PTPRZ1: variants seen among roughly 807,000 people sequenced by gnomAD.
The protein encoded by PTPRZ1 is protein tyrosine phosphatase receptor type Z1, also known as receptor-type tyrosine-protein phosphatase zeta.
In PTPRZ1, 82 loss-of-function variants were observed where a neutral mutation model predicts 214.1. That is an observed-to-expected ratio of 0.38 (90% CI 0.32 to 0.46). The LOEUF (loss-of-function observed/expected upper bound fraction) is 0.46, where lower values mean the gene tolerates loss of function less well. PTPRZ1 is among the 20% of genes least tolerant of loss of function. PTPRZ1 has a pLI of 1.00. For synonymous variants in PTPRZ1, 945 were observed against 987.9 expected, an observed-to-expected ratio of 0.96 and a Z score of 0.81; for missense variants, 2,603 against 2,748.7, an observed-to-expected ratio of 0.95 and a Z score of 1.19.
intron 1 of PTPRZ1, among the ~76,000 whole-genome samples, chr7:121,885,180 A>C (rs568994426): frequency 6.6e-6 from 1 of 152,200 alleles, no homozygotes; most frequent in Admixed American, 6.5e-5. Context: ...ATGTTAAAAC[A>C]CTCTTCTTAT....
chr7:121,949,582 A>C (rs998343765), intron 2 of PTPRZ1, among the ~76,000 whole-genome samples: 1 of 152,176 alleles, frequency 6.6e-6, no homozygotes, highest in African/African-American at 2.4e-5. Context: ...GATTGGTAGA[A>C]TCTTGACATA....
chr7:122,043,106 C>A (rs1799781594), intron 22 of PTPRZ1, among the ~76,000 whole-genome samples: 2 of 152,222 alleles, frequency 1.3e-5, no homozygotes, highest in Non-Finnish European at 2.9e-5. Flanking sequence ...CTCATCTTAA[C>A]TGATTACATC....
chr7:121,882,004 AT>A (rs1221645114), intron 1 of PTPRZ1, among the ~76,000 whole-genome samples: 2 of 152,142 alleles, frequency 1.3e-5, no homozygotes, highest in East Asian at 3.8e-4. Context: ...CATTTTAGCA[AT>A]TTGTGTGTTT....
intron 2 of PTPRZ1, among the ~76,000 whole-genome samples, chr7:121,963,068 C>T (rs1442239953): frequency 6.6e-6 from 1 of 151,706 alleles, no homozygotes; most frequent in Non-Finnish European, 1.5e-5. Flanking sequence ...TTTTATTTTG[C>T]TTTTTAATCA....
In PTPRZ1 at chr7:122,011,519, G is replaced by C. The variant is rs373401845; in HGVS notation, c.2473G>C (p.Ala825Pro). Residue 825 changes from alanine to proline, a missense_variant, in exon 12 of 30, where the codon GCT (alanine) becomes CCT (proline). Ala to Pro is a conservative substitution (Grantham distance 27, BLOSUM62 -1). Coordinates refer to ENST00000393386, the MANE Select transcript of PTPRZ1 (RefSeq NM_002851.3). The stretch of plus-strand genomic sequence containing the variant: ...TGCACCTTTGCTTCCATTTTCCTCT[G>C]CTTCCTTCAGTAGTGAATTGTTTCG... ...DGAPLLPFSSASFSSELFRHL... is the reference protein window; with the variant it reads ...DGAPLLPFSSPSFSSELFRHL... 8 of 1,613,804 alleles carry C rather than the reference G, an allele frequency of 5.0e-6. No homozygotes were observed. In the African/African-American group the frequency reaches 1.1e-4, roughly 22 times the overall value.
chr7:122,052,442 G>C (rs866117050), intron 25 of PTPRZ1, among the ~76,000 whole-genome samples: 1 of 152,158 alleles, frequency 6.6e-6, no homozygotes, highest in South Asian at 2.1e-4. Context: ...TTTAGTAGCT[G>C]TTGTGTGACC....
intron 6 of PTPRZ1, among the ~76,000 whole-genome samples, chr7:121,977,601 A>G (rs1447164861): frequency 6.6e-6 from 1 of 152,218 alleles, no homozygotes; most frequent in Non-Finnish European, 1.5e-5. Flanking sequence ...TCTTGAAAGC[A>G]GAAGCCTGGC....
At chr7:121,888,105 AC>A (rs1351259493) in intron 1 of PTPRZ1, among the ~76,000 whole-genome samples, 5 of 152,046 alleles carry the variant, frequency 3.3e-5, no homozygotes, top group African/African-American at 1.2e-4. Context: ...GTAGAGGAAA[AC>A]CTATTTTCCT....
Position 121,928,152 on chromosome 7 carries a change from A to G in PTPRZ1, c.59-4A>G, listed in dbSNP as rs1327246623. ...ACTGATTACTTGGTTTTTCTTTTTT[A>G]TAGATTGGGCTAATGGATACTACAG... On this transcript the variant is annotated splice_region_variant and splice_polypyrimidine_tract_variant and intron_variant, in intron 1 of 29. Coordinates refer to ENST00000393386, the MANE Select transcript of PTPRZ1 (RefSeq NM_002851.3). 2.5e-6 allele frequency: 4 copies of G among 1,608,540 alleles called. No homozygotes were observed. Among genetic ancestry groups the G allele is most frequent in the Non-Finnish European group, 2.6e-6 (3 of 1,176,222 alleles).
intron 25 of PTPRZ1, among the ~76,000 whole-genome samples, chr7:122,053,657 G>A (rs1007024013): frequency 6.6e-5 from 10 of 152,072 alleles, no homozygotes; most frequent in African/African-American, 2.4e-4. Context: ...TCTGTAAAAT[G>A]GGGGTCACAG....
At chr7:121,977,676 C>T (rs1022297052) in intron 6 of PTPRZ1, among the ~76,000 whole-genome samples, 5 of 151,208 alleles carry the variant, frequency 3.3e-5, no homozygotes, top group African/African-American at 1.2e-4. Flanking sequence ...TTTCAGAAGT[C>T]AGGAATATGT....
At chr7:122,046,668 T>C (rs892078158) in intron 23 of PTPRZ1, among the ~76,000 whole-genome samples, 4 of 152,122 alleles carry the variant, frequency 2.6e-5, no homozygotes, top group Admixed American at 6.6e-5. Context: ...TTCACCATGA[T>C]CGAGAATTCA....
intron 1 of PTPRZ1, among the ~76,000 whole-genome samples, chr7:121,885,259 G>A (rs1253405085): frequency 6.6e-6 from 1 of 152,168 alleles, no homozygotes; most frequent in Admixed American, 6.6e-5. Flanking sequence ...ATCCCAACTT[G>A]AGCCTTAATT....
At chr7:122,032,241 G>T (rs1799401420) in intron 15 of PTPRZ1, among the ~76,000 whole-genome samples, 1 of 152,168 alleles carries the variant, frequency 6.6e-6, no homozygotes, top group Non-Finnish European at 1.5e-5. Flanking sequence ...GCTACCCTTT[G>T]TGAACACCTT....
At chr7:121,934,286 T>G (rs1370340966) in intron 2 of PTPRZ1, among the ~76,000 whole-genome samples, 3 of 152,212 alleles carry the variant, frequency 2.0e-5, no homozygotes, top group African/African-American at 7.2e-5. Context: ...TGTCAAAATG[T>G]AGGGCCTCTG....
chr7:122,021,429 G>A (rs1799013388), intron 13 of PTPRZ1, among the ~76,000 whole-genome samples: 1 of 152,018 alleles, frequency 6.6e-6, no homozygotes, highest in African/African-American at 2.4e-5. Flanking sequence ...GTGTCATAGT[G>A]TAAAATATAT....
chr7:122,031,857 A>G (rs954112403), intron 15 of PTPRZ1: 4 of 169,748 alleles, frequency 2.4e-5, no homozygotes, highest in Middle Eastern at 2.6e-3. Flanking sequence ...ATTAATAACA[A>G]TGATTCTTTT....
chr7:121,952,966 A>T (rs1399011734), intron 2 of PTPRZ1, among the ~76,000 whole-genome samples: 1 of 152,140 alleles, frequency 6.6e-6, no homozygotes, highest in East Asian at 1.9e-4. Flanking sequence ...CCTGCTTATG[A>T]GTCTCTTGAT....
chr7:122,051,617 A>G (rs1792188536), intron 24 of PTPRZ1, 96 bp downstream of exon 24: 2 of 1,017,862 alleles, frequency 2.0e-6, no homozygotes, highest in Non-Finnish European at 3.0e-6. Flanking sequence ...GAGCAAATGG[A>G]GCACATTCAA....
Sources: allele counts gnomAD v4.1 joint callset (sites outside exome capture counted in the v4.1 genomes callset), GRCh38; gene constraint gnomAD v4.1.1; transcripts MANE v1.5; gene names NCBI Gene and HGNC (gene_info 2026-07-23, HGNC 2026-07-21).